TMTC2: variants seen among roughly 807,000 people sequenced by gnomAD.
TMTC2 encodes transmembrane O-mannosyltransferase targeting cadherins 2.
A neutral mutation model predicts 82.4 loss-of-function variants in TMTC2; 43 were observed. That is an observed-to-expected ratio of 0.52 (90% CI 0.41 to 0.67). TMTC2 has a LOEUF of 0.67. TMTC2 is among the 30% of genes least tolerant of loss of function. TMTC2 has a pLI of 0.00. For missense variants in TMTC2, 919 were observed against 1,012.4 expected (o/e 0.91, Z 1.25); for synonymous variants, 408 against 381.9 (o/e 1.07, Z -0.80).
intron 4 of TMTC2, among the ~76,000 whole-genome samples, chr12:82,939,525 AT>A (rs1876589119): frequency 6.6e-6 from 1 of 151,696 alleles, no homozygotes; most frequent in Non-Finnish European, 1.5e-5. Flanking sequence ...TGGATTCATT[AT>A]TTTTTTGTAT....
In TMTC2 at chr12:82,965,539, G is replaced by A. The variant is rs570412129; in HGVS notation, c.1685-21G>A. ...GTGTATATCATCTTCTCACACTTTT[G>A]TTTCCACTTTTCCCCCTCAGCTGCA... On this transcript the variant is annotated intron_variant, in intron 5 of 11. Coordinates refer to ENST00000321196, the MANE Select transcript of TMTC2 (RefSeq NM_152588.3). 9 of 1,612,328 alleles carry A rather than the reference G, an allele frequency of 5.6e-6. No homozygotes were observed. The Admixed American group carries it at 6.7e-5, about 12-fold the overall frequency.
intron 8 of TMTC2, among the ~76,000 whole-genome samples, chr12:82,987,493 A>G (rs1879208026): frequency 6.6e-6 from 1 of 152,080 alleles, no homozygotes; most frequent in Admixed American, 6.6e-5. Context: ...ACATCCCACT[A>G]AAAATATTTA....
intron 1 of TMTC2, among the ~76,000 whole-genome samples, chr12:82,764,029 T>A (rs1010600364): frequency 1.6e-4 from 25 of 152,190 alleles, no homozygotes; most frequent in Non-Finnish European, 2.9e-5. Flanking sequence ...TTGGTTTTAT[T>A]CTCTGGTGCA....
At chr12:82,860,252 G>A (rs1615865) in intron 2 of TMTC2, among the ~76,000 whole-genome samples, 7,939 of 152,156 alleles carry the variant, frequency 0.052, 700 homozygotes, top group African/African-American at 0.18. Flanking sequence ...GATTACAGGC[G>A]TGAACTACCA....
At chr12:83,012,934 G>A (rs1003672334) in intron 8 of TMTC2, among the ~76,000 whole-genome samples, 1 of 152,082 alleles carries the variant, frequency 6.6e-6, no homozygotes, top group Admixed American at 6.5e-5. Flanking sequence ...TGAAGAATCG[G>A]CTTTACATAA....
In TMTC2 at chr12:82,861,661, G is replaced by A. The variant is rs528667233; in HGVS notation, c.654+4081G>A. Among the ~76,000 whole-genome samples, 1,009 of 152,238 alleles carry A rather than the reference G, an allele frequency of 6.6e-3. 3 individuals carry two copies. Among genetic ancestry groups the A allele is most frequent in the South Asian group, 0.014 (68 of 4,816 alleles). On this transcript the variant is annotated intron_variant, in intron 2 of 11. Coordinates refer to ENST00000321196, the MANE Select transcript of TMTC2 (RefSeq NM_152588.3). ...TGTGCTAAAGATGTTAACTTATTTAGCTTATGTAACAAATGCTCGTTGAGA... is the reference window on the plus strand; with the variant it reads ...TGTGCTAAAGATGTTAACTTATTTAACTTATGTAACAAATGCTCGTTGAGA...
Position 82,895,895 on chromosome 12 carries a change from C to G in TMTC2, c.732C>G (p.Tyr244Ter). ...CCTCCCTTTTGGGTGCCCGGTTATA[C>G]TGGATGGGAAACAAACCACCAAGCT... ...WGSSLLGARL[Y>*]WMGNKPPSFS... The change falls in exon 3 of 12, where the codon TAC (tyrosine) becomes TAG (stop). Residue 244 changes from tyrosine (Y) to a stop codon, truncating the protein, a stop_gained. Transcript: ENST00000321196. LOFTEE classifies it high-confidence loss of function. 2 of 1,613,866 alleles carry G rather than the reference C, an allele frequency of 1.2e-6. No homozygotes were observed. Among genetic ancestry groups the G allele is most frequent in the Non-Finnish European group, 1.7e-6 (2 of 1,179,964 alleles).
At chr12:82,995,999 G>A (rs938735745) in intron 8 of TMTC2, among the ~76,000 whole-genome samples, 17 of 152,146 alleles carry the variant, frequency 1.1e-4, no homozygotes, top group African/African-American at 3.4e-4. Context: ...GGTATCTCAT[G>A]TACATAAATG....
intron 1 of TMTC2, among the ~76,000 whole-genome samples, chr12:82,781,232 A>G (rs1326400796): frequency 1.3e-5 from 2 of 152,076 alleles, no homozygotes; most frequent in Non-Finnish European, 2.9e-5. Flanking sequence ...TGCTGAAAAT[A>G]TATCTCTCAA....
At position 82,849,781 on chromosome 12, in the gene TMTC2, A is replaced by G. The variant is rs1269920049; in HGVS notation, c.84-7229A>G. On this transcript the variant is annotated intron_variant, in intron 1 of 11. Transcript: ENST00000321196. ...GGCATTTACTGGCTTATTTGACAGT[A>G]TAGTACTAGCTTCAGGTATGATTGG... Among the ~76,000 whole-genome samples, 3 of 152,162 alleles carry G rather than the reference A, an allele frequency of 2.0e-5. No individual in the cohort carries two copies. The East Asian group carries it at 5.8e-4, about 29-fold the overall frequency.
chr12:82,953,840 GAA>G (rs11284711), intron 4 of TMTC2, among the ~76,000 whole-genome samples: 49 of 147,896 alleles, frequency 3.3e-4, no homozygotes, highest in Non-Finnish European at 4.3e-4. Context: ...TTATCTCTGA[GAA>G]AAAAAAAAAA....
At chr12:83,114,377 G>A (rs182944014) in intron 11 of TMTC2, among the ~76,000 whole-genome samples, 2 of 152,240 alleles carry the variant, frequency 1.3e-5, no homozygotes, top group East Asian at 3.9e-4. Context: ...GGCTATGCTA[G>A]CAGCCTGATC....
At chr12:83,125,571 A>G (rs1038814453) in intron 11 of TMTC2, among the ~76,000 whole-genome samples, 1 of 152,214 alleles carries the variant, frequency 6.6e-6, no homozygotes, top group Non-Finnish European at 1.5e-5. Context: ...CTTGTCCAAA[A>G]TGTTTGGGAC....
intron 1 of TMTC2, among the ~76,000 whole-genome samples, chr12:82,834,253 G>A (rs944728000): frequency 6.6e-6 from 1 of 152,170 alleles, no homozygotes; most frequent in Non-Finnish European, 1.5e-5. Flanking sequence ...TGGATGACTA[G>A]TATTTGGGAA....
chr12:83,019,169 AAC>A (rs915374470), intron 8 of TMTC2, among the ~76,000 whole-genome samples: 15 of 152,220 alleles, frequency 9.9e-5, no homozygotes, highest in African/African-American at 3.1e-4. Flanking sequence ...AAAAAAAAAA[AAC>A]ATACACATTA....
intron 11 of TMTC2, among the ~76,000 whole-genome samples, chr12:83,112,381 T>C (rs896839189): frequency 1.3e-5 from 2 of 152,158 alleles, no homozygotes; most frequent in Admixed American, 1.3e-4. Flanking sequence ...CAAGACCTCA[T>C]TTTCCAAGAA....
intron 9 of TMTC2, among the ~76,000 whole-genome samples, chr12:83,031,604 G>A (rs193116967): frequency 4.6e-5 from 7 of 152,262 alleles, no homozygotes; most frequent in South Asian, 2.1e-4. Flanking sequence ...CCCTTGGGGG[G>A]AAAATGTGGT....
chr12:83,107,944 C>T (rs759744179), intron 11 of TMTC2, among the ~76,000 whole-genome samples: 1 of 138,878 alleles, frequency 7.2e-6, no homozygotes, highest in Non-Finnish European at 1.6e-5. Flanking sequence ...GGATGGATTT[C>T]CCCCCTTGCT....
At chr12:82,727,266 A>T (rs1439176633) in intron 1 of TMTC2, among the ~76,000 whole-genome samples, 1 of 152,060 alleles carries the variant, frequency 6.6e-6, no homozygotes, top group Non-Finnish European at 1.5e-5. Context: ...ATGTATCGAT[A>T]TATTTATTTT....
Sources: allele counts gnomAD v4.1 joint callset (sites outside exome capture counted in the v4.1 genomes callset), GRCh38; gene constraint gnomAD v4.1.1; transcripts MANE v1.5; gene names NCBI Gene and HGNC (gene_info 2026-07-23, HGNC 2026-07-21).